Variants in ADCY10 observed in about 807,000 individuals in gnomAD.
The protein encoded by ADCY10 is adenylate cyclase type 10.
Under a neutral mutation model 183.3 loss-of-function variants are expected in ADCY10, and 156 were observed. That is an observed-to-expected ratio of 0.85 (90% CI 0.75 to 0.97). The LOEUF is 0.97. Among genes scored for constraint, ADCY10 ranks in the 50% least tolerant of loss-of-function variants. ADCY10 has a pLI of 0.00. For synonymous variants in ADCY10, 645 were observed against 670.0 expected, an observed-to-expected ratio of 0.96 and a Z score of 0.58; for missense variants, 1,745 against 1,934.3, an observed-to-expected ratio of 0.90 and a Z score of 1.84.
At chr1:167,834,502 A>G (rs1450377118) in intron 23 of ADCY10, 3 of 264,690 alleles carry the variant, frequency 1.1e-5, no homozygotes, top group South Asian at 4.9e-5. Flanking sequence ...TAAATGAATT[A>G]TGAATCACCC....
At chr1:167,862,967 T>C (rs1295566066) in intron 14 of ADCY10, among the ~76,000 whole-genome samples, 5 of 152,168 alleles carry the variant, frequency 3.3e-5, no homozygotes, top group Non-Finnish European at 4.4e-5. Context: ...ATATTCCTTA[T>C]ATGAAAATAA....
intron 2 of ADCY10, 25 bp downstream of exon 2, chr1:167,904,968 A>ATAAT: frequency 6.2e-7 from 1 of 1,614,192 alleles, no homozygotes. Flanking sequence ...CATCCACATT[A>ATAAT]AACAAACATC....
At chr1:167,836,960 G>A (rs1488854032) in intron 22 of ADCY10, 2 of 407,010 alleles carry the variant, frequency 4.9e-6, no homozygotes, top group Non-Finnish European at 8.9e-6. Flanking sequence ...AGAAGGCGGA[G>A]GTTGCAGTGA....
chr1:167,904,750 A>G lies in ADCY10; in HGVS notation c.148+243T>C, dbSNP rs1571465210. 15 of 616,922 alleles carry G rather than the reference A, an allele frequency of 2.4e-5. No homozygotes were observed. In the East Asian group the frequency reaches 4.1e-4, roughly 17 times the overall value. 38.2% of individuals were successfully genotyped at this position (616,922 alleles called of 1,614,324 possible). On this transcript the variant is annotated intron_variant, in intron 2 of 32. Transcript: ENST00000367851. ...GAAGTTGGGGCAGAGATACTGGAGCAAAGAATGGGACTTGAGCATGTTAAA... is the reference window on the plus strand; with the variant it reads ...GAAGTTGGGGCAGAGATACTGGAGCGAAGAATGGGACTTGAGCATGTTAAA...
intron 5 of ADCY10, among the ~76,000 whole-genome samples, chr1:167,900,878 A>G (rs1418808993): frequency 6.6e-6 from 1 of 152,188 alleles, no homozygotes; most frequent in Non-Finnish European, 1.5e-5. Context: ...TAGGTTAAAG[A>G]AGGCTGAGAA....
At chr1:167,901,619 C>G in intron 5 of ADCY10, 43 bp downstream of exon 5, 1 of 1,599,636 alleles carries the variant, frequency 6.3e-7, no homozygotes, top group Middle Eastern at 1.7e-4. Context: ...AGTCAAGACC[C>G]TATCCCAGCT....
Position 167,862,096 on chromosome 1 carries a change from T to A in ADCY10, c.1617-1033A>T, listed in dbSNP as rs996012332. 5.3e-5 allele frequency among the ~76,000 whole-genome samples: 8 copies of A among 152,232 alleles called. No homozygotes were observed. The East Asian group carries it at 1.5e-3, about 29-fold the overall frequency. ...TTCTTTATAGCAGCGTGAAAACGAC[T>A]AACACATTATCTCTCTCCTCCTCTT... is the stretch of plus-strand genomic sequence containing the variant. On this transcript the variant is annotated intron_variant, in intron 14 of 32. Coordinates refer to ENST00000367851, the MANE Select transcript of ADCY10 (RefSeq NM_018417.6).
intron 6 of ADCY10, among the ~76,000 whole-genome samples, chr1:167,898,344 T>C (rs1218430324): frequency 6.6e-6 from 1 of 152,150 alleles, no homozygotes; most frequent in East Asian, 1.9e-4. Flanking sequence ...CTTACACCTA[T>C]AATCCCAGCA....
chr1:167,875,160 C>A lies in ADCY10; in HGVS notation c.1433G>T (p.Cys478Phe). 6.2e-7 allele frequency: 1 copy of A among 1,614,158 alleles called. No individual in the cohort carries two copies. Among genetic ancestry groups the A allele is most frequent in the Non-Finnish European group, 8.5e-7 (1 of 1,180,006 alleles). ...KVMFGMACLICNRKEDYPLLG... is the reference protein window; with the variant it reads ...KVMFGMACLIFNRKEDYPLLG... ...CAAAGGGTAATCCTCCTTTCTGTTG[C>A]AGATGAGGCACGCCATACCAAACAT... Residue 478 changes from cysteine (C) to phenylalanine (F), a missense_variant, in exon 13 of 33, where the codon TGC (cysteine) becomes TTC (phenylalanine). By Grantham distance (205) the Cys-to-Phe change is radical. Transcript: ENST00000367851.
At position 167,828,201 on chromosome 1, in the gene ADCY10, T is replaced by A. The variant is rs1241296620; in HGVS notation, c.3750+1066A>T. On this transcript the variant is annotated intron_variant, in intron 26 of 32. Transcript: ENST00000367851. Reference sequence around the variant, plus strand: ...TGATATGATTTGTTTTTCATAGAAATGTAAATATTCAGTGGAATACAAGTG... The same window carrying A: ...TGATATGATTTGTTTTTCATAGAAAAGTAAATATTCAGTGGAATACAAGTG... Among the ~76,000 whole-genome samples, 9 of 152,336 alleles carry A rather than the reference T, an allele frequency of 5.9e-5. No homozygotes were observed. In the East Asian group the frequency reaches 1.7e-3, roughly 29 times the overall value.
Position 167,809,536 on chromosome 1 carries a change from G to A in ADCY10, c.*142C>T. ...CTGACCCTTGTAGGCCCTCCAGAAA[G>A]AGAAGAAATCAACATGTCTGTTTCT... On this transcript the variant is annotated 3_prime_UTR_variant, in exon 33 of 33. Transcript: ENST00000367851. 1.1e-6 allele frequency: 1 copy of A among 937,566 alleles called. No homozygotes were observed. Among genetic ancestry groups the A allele is most frequent in the Non-Finnish European group, 1.7e-6 (1 of 601,904 alleles). The allele number at this position is 937,566 out of a possible 1,614,324, so 58.1% of individuals were successfully genotyped here. A position where few individuals can be genotyped will look rare whatever the true frequency, so the allele number is the denominator to read the frequency against.
chr1:167,909,199 G>A (rs1365835789), intron 1 of ADCY10, among the ~76,000 whole-genome samples: 1 of 152,102 alleles, frequency 6.6e-6, no homozygotes, highest in African/African-American at 2.4e-5. Flanking sequence ...CCATGTTGTT[G>A]TATATCAATA....
At chr1:167,866,977 C>G (rs949530904) in intron 14 of ADCY10, among the ~76,000 whole-genome samples, 7 of 152,162 alleles carry the variant, frequency 4.6e-5, no homozygotes, top group African/African-American at 1.7e-4. Context: ...TAAAGTCCCC[C>G]CCATGCTGTG....
intron 13 of ADCY10, 61 bp from the exon 14 acceptor site, chr1:167,870,471 A>G (rs1020306057): frequency 8.4e-5 from 119 of 1,414,410 alleles, no homozygotes; most frequent in Non-Finnish European, 1.1e-4. Flanking sequence ...CTAGAGATAT[A>G]AAAAGTCACA....
chr1:167,848,336 A>G lies in ADCY10; in HGVS notation c.2437+25T>C, dbSNP rs190392358. ...AGTGCTGGGATTACAGGCGTGAGCC[A>G]CTGCGCCCGGCCAGATTTTCTTACC... On this transcript the variant is annotated intron_variant, in intron 19 of 32. Transcript: ENST00000367851. The G allele has an allele frequency of 1.2e-5, 19 of 1,610,108 alleles. No individual in the cohort carries two copies. In the East Asian group the frequency reaches 3.8e-4, roughly 32 times the overall value.
chr1:167,815,669 A>G (rs1450286774), intron 31 of ADCY10, among the ~76,000 whole-genome samples: 1 of 152,212 alleles, frequency 6.6e-6, no homozygotes, highest in East Asian at 1.9e-4. Context: ...AAAGGCAAAA[A>G]CATAGTTTGA....
At chr1:167,824,451 T>G (rs1663127813) in intron 28 of ADCY10, 25 bp downstream of exon 28, 1 of 1,604,512 alleles carries the variant, frequency 6.2e-7, no homozygotes, top group African/African-American at 1.3e-5. Flanking sequence ...CCCCCTAATT[T>G]TGGAAAATGC....
chr1:167,847,448 T>C (rs1665129102), intron 19 of ADCY10, among the ~76,000 whole-genome samples: 1 of 151,962 alleles, frequency 6.6e-6, no homozygotes, highest in African/African-American at 2.4e-5. Flanking sequence ...AGAGTTTTTC[T>C]CTTGTTGCCC....
At position 167,810,822 on chromosome 1, in the gene ADCY10, C is replaced by A; in HGVS notation, c.4574G>T (p.Gly1525Val). ...HLMAYVCILMGDGQKCGLFLN... is the reference protein window; with the variant it reads ...HLMAYVCILMVDGQKCGLFLN... ...GAAGAGGCCACATTTCTGCCCATCT[C>A]CCATTAATATACAGACGTAAGCCAT... is the stretch of plus-strand genomic sequence containing the variant. The change falls in exon 32 of 33, where the codon GGA (glycine) becomes GTA (valine). Residue 1525 changes from glycine to valine, a missense_variant. Coordinates refer to ENST00000367851, the MANE Select transcript of ADCY10 (RefSeq NM_018417.6). The A allele has an allele frequency of 1.2e-6, 2 of 1,614,176 alleles. No homozygotes were observed. The highest frequency in any genetic ancestry group is 1.7e-6 in the Non-Finnish European group (2 of 1,180,022).
Sources: gnomAD v4.1 joint callset for allele counts (sites outside exome capture counted in the v4.1 genomes callset) on GRCh38, gnomAD v4.1.1 for gene constraint, MANE v1.5 for transcripts, NCBI Gene and HGNC (gene_info 2026-07-23, HGNC 2026-07-21) for gene names.